Variants in DPP6 observed in about 807,000 individuals in gnomAD.
The protein encoded by DPP6 is A-type potassium channel modulatory protein DPP6.
DPP6 carries 69 observed loss-of-function variants against 122.6 expected under a neutral mutation model. That is an observed-to-expected ratio of 0.56 (90% CI 0.46 to 0.69). The LOEUF is 0.69. DPP6 is among the 30% of genes least tolerant of loss of function. DPP6 has a pLI of 0.00. For missense variants in DPP6, 928 were observed against 1,116.9 expected, an observed-to-expected ratio of 0.83 and a Z score of 2.41; for synonymous variants, 418 against 433.1, an observed-to-expected ratio of 0.97 and a Z score of 0.43.
intron 1 of DPP6, among the ~76,000 whole-genome samples, chr7:153,974,654 C>T (rs1054318986): frequency 6.6e-6 from 1 of 152,200 alleles, no homozygotes; most frequent in Non-Finnish European, 1.5e-5. Flanking sequence ...TCACTGACTC[C>T]AACACAGGGC....
intron 1 of DPP6, among the ~76,000 whole-genome samples, chr7:154,188,410 G>A (rs976200273): frequency 6.6e-6 from 1 of 152,064 alleles, no homozygotes; most frequent in Non-Finnish European, 1.5e-5. Context: ...ATAAGACATA[G>A]TCCTTATCTT....
In DPP6 at chr7:154,588,175, C is replaced by T. The variant is rs188249974; in HGVS notation, c.627+21259C>T. ...CATCAGGCCCAAGAAATACTGCCTT[C>T]CCCATCCTATCCCTGGTCACTGGGT... On this transcript the variant is annotated intron_variant, in intron 5 of 25. Coordinates refer to ENST00000377770, the MANE Select transcript of DPP6 (RefSeq NM_130797.4). The T allele has an allele frequency of 8.5e-3, 12,858 of 1,520,032 alleles. 78 individuals carry two copies. Among genetic ancestry groups the T allele is most frequent in the Non-Finnish European group, 8.8e-3 (10,009 of 1,130,966 alleles). The allele number at this position is 1,520,032 out of a possible 1,614,324, so 94.2% of individuals were successfully genotyped here. A position where few individuals can be genotyped will look rare whatever the true frequency, so the allele number is the denominator to read the frequency against.
Position 154,755,148 on chromosome 7 carries a change from TAA to T in DPP6, c.884-14254_884-14253del, listed in dbSNP as rs71803736. Among the ~76,000 whole-genome samples, 4 of 131,562 alleles carry T rather than the reference TAA, an allele frequency of 3.0e-5. No homozygotes were observed. The highest frequency in any genetic ancestry group is 2.7e-5 in the African/African-American group (1 of 36,562). 86.3% of individuals were successfully genotyped at this position (131,562 alleles called of 152,430 possible). ...TCCCAGAACTTAAAGTAAAATAAAT[TAA>T]AAAAAAAAAAAAAAGAAACTGAACA... is the stretch of plus-strand genomic sequence containing the variant. On this transcript the variant is annotated intron_variant, in intron 8 of 25. Transcript: ENST00000377770. The surrounding 1 kb of genome is among the most constrained non-coding windows in gnomAD (Gnocchi z 4.7).
intron 1 of DPP6, among the ~76,000 whole-genome samples, chr7:154,239,992 TAAAAAAAAAAAAAAAAAAAAAAAAAA>T (rs763543397): frequency 1.4e-4 from 7 of 50,398 alleles, no homozygotes; most frequent in African/African-American, 3.6e-4. Context: ...ATGCTGTCTT[TAAAAAAAAAAAAAAAAAAAAAAAAAA>T]AAAAAAAAAA....
chr7:154,101,022 G>A (rs1221261017), intron 1 of DPP6, among the ~76,000 whole-genome samples: 3 of 128,330 alleles, frequency 2.3e-5, no homozygotes, highest in African/African-American at 7.9e-5. Context: ...GCTGTGGTTG[G>A]TCCTGTGTTT....
chr7:153,915,169 A>G (rs952965911), intron 1 of DPP6, among the ~76,000 whole-genome samples: 1 of 152,212 alleles, frequency 6.6e-6, no homozygotes, highest in African/African-American at 2.4e-5. Context: ...TCAGTTCCAT[A>G]TACAGAAATC....
chr7:154,362,518 G>A (rs926950440), intron 1 of DPP6, among the ~76,000 whole-genome samples: 4 of 151,828 alleles, frequency 2.6e-5, no homozygotes, highest in African/African-American at 4.8e-5. Context: ...GGGTTCAAGC[G>A]ATTCTCCTGC....
At chr7:154,019,575 C>A (rs1347180718) in intron 1 of DPP6, among the ~76,000 whole-genome samples, 4 of 152,012 alleles carry the variant, frequency 2.6e-5, no homozygotes, top group Non-Finnish European at 5.9e-5. Flanking sequence ...GCTGATCATT[C>A]TTTCTCCAGA....
intron 1 of DPP6, among the ~76,000 whole-genome samples, chr7:154,062,539 C>A (rs1356148339): frequency 2.8e-4 from 5 of 18,044 alleles, no homozygotes; most frequent in East Asian, 2.1e-3. Flanking sequence ...CCTCTTCCGC[C>A]CCTGGCTTTT....
chr7:154,607,815 A>G (rs995185433), intron 5 of DPP6, among the ~76,000 whole-genome samples: 1 of 118,952 alleles, frequency 8.4e-6, no homozygotes, highest in Non-Finnish European at 1.9e-5. Flanking sequence ...TTAATTGACT[A>G]TGTTATTAGT....
At chr7:154,302,034 G>A (rs528678666) in intron 1 of DPP6, among the ~76,000 whole-genome samples, 1 of 151,324 alleles carries the variant, frequency 6.6e-6, no homozygotes, top group South Asian at 2.1e-4. Context: ...AGCCAGGATG[G>A]TCTCGATCTC....
chr7:153,981,818 A>G (rs1796604352), intron 1 of DPP6, among the ~76,000 whole-genome samples: 1 of 151,866 alleles, frequency 6.6e-6, no homozygotes, highest in Non-Finnish European at 1.5e-5. Flanking sequence ...GTTTGGCAGG[A>G]TATGAAATTC....
At chr7:154,375,794 C>T (rs1813079051) in intron 1 of DPP6, among the ~76,000 whole-genome samples, 1 of 152,174 alleles carries the variant, frequency 6.6e-6, no homozygotes, top group African/African-American at 2.4e-5. Context: ...CAACGCAAGC[C>T]TTTTATTCTC....
At chr7:154,226,594 T>G (rs1800617667) in intron 1 of DPP6, among the ~76,000 whole-genome samples, 1 of 152,184 alleles carries the variant, frequency 6.6e-6, no homozygotes, top group Non-Finnish European at 1.5e-5. Flanking sequence ...GGGAACTTTA[T>G]CAAACTCCAG....
At chr7:154,086,289 A>G (rs1295489013) in intron 1 of DPP6, among the ~76,000 whole-genome samples, 2 of 147,920 alleles carry the variant, frequency 1.4e-5, no homozygotes, top group Admixed American at 6.8e-5. Flanking sequence ...GAGCCATAGC[A>G]CTGTAACTAA....
At chr7:154,383,462 G>T (rs1813806323) in intron 1 of DPP6, among the ~76,000 whole-genome samples, 1 of 152,158 alleles carries the variant, frequency 6.6e-6, no homozygotes, top group South Asian at 2.1e-4. Context: ...ACCGTCGAGG[G>T]CATGTTGATT....
chr7:154,351,665 A>G (rs550728034), intron 1 of DPP6, among the ~76,000 whole-genome samples: 5 of 152,290 alleles, frequency 3.3e-5, no homozygotes, highest in East Asian at 1.9e-4. Flanking sequence ...CTGATCTACA[A>G]GGGTAACCAC....
the DPP6 span, among the ~76,000 whole-genome samples, chr7:153,795,394 AC>A: frequency 1.3e-5 from 2 of 152,336 alleles, no homozygotes; most frequent in Admixed American, 6.5e-5. Context: ...CAGCCTGGCA[AC>A]AGAGTGAGAC....
At chr7:154,889,844 C>A in intron 25 of DPP6, 1 of 379,942 alleles carries the variant, frequency 2.6e-6, no homozygotes. Flanking sequence ...CCCTGCCCAG[C>A]AGTGTGGCTG....
Sources: gnomAD v4.1 joint callset for allele counts (sites outside exome capture counted in the v4.1 genomes callset) on GRCh38, gnomAD v4.1.1 for gene constraint, Gnocchi (gnomAD v3.1) non-coding constraint, MANE v1.5 for transcripts, NCBI Gene and HGNC (gene_info 2026-07-23, HGNC 2026-07-21) for gene names.